FAM184A: variants seen among roughly 807,000 people sequenced by gnomAD.
FAM184A encodes family with sequence similarity 184 member A, also known as protein FAM184A.
Under a neutral mutation model 143.8 loss-of-function variants are expected in FAM184A, and 99 were observed. The ratio of observed to expected loss-of-function variants is 0.69; its 90% CI spans 0.58 to 0.81. The LOEUF is 0.81. FAM184A is among the 40% of genes least tolerant of loss of function. FAM184A has a pLI of 0.00. For missense variants in FAM184A, 1,217 were observed against 1,310.5 expected (o/e 0.93, Z 1.10); for synonymous variants, 427 against 446.4 (o/e 0.96, Z 0.55).
At chr6:119,025,745 G>A (rs1272432203) in intron 1 of FAM184A, 8 of 400,774 alleles carry the variant, frequency 2.0e-5, no homozygotes, top group South Asian at 1.3e-4. Context: ...TCCCCCGGAA[G>A]CGAAAAGAAG....
At chr6:119,125,614 C>T (rs767925654) in intron 1 of FAM184A, among the ~76,000 whole-genome samples, 6 of 152,186 alleles carry the variant, frequency 3.9e-5, no homozygotes, top group Non-Finnish European at 7.3e-5. Flanking sequence ...GACGGACACA[C>T]CAATTTGCAT....
At chr6:119,012,431 A>G (rs954558187) in intron 5 of FAM184A, among the ~76,000 whole-genome samples, 2 of 152,226 alleles carry the variant, frequency 1.3e-5, no homozygotes, top group African/African-American at 2.4e-5. Flanking sequence ...GAAACCAGAC[A>G]CAGGTACAAA....
At chr6:119,018,492 T>C (rs1785338903) in intron 4 of FAM184A, among the ~76,000 whole-genome samples, 1 of 152,116 alleles carries the variant, frequency 6.6e-6, no homozygotes, top group African/African-American at 2.4e-5. Flanking sequence ...CTGGATAGAA[T>C]ACAGGATACA....
intron 1 of FAM184A, among the ~76,000 whole-genome samples, chr6:119,057,647 G>C (rs571512101): frequency 2.0e-5 from 3 of 152,280 alleles, no homozygotes; most frequent in Non-Finnish European, 1.5e-5. Context: ...GGGAGCTGAA[G>C]CAGGAGGATC....
intron 1 of FAM184A, among the ~76,000 whole-genome samples, chr6:119,141,587 C>T (rs1468021340): frequency 1.3e-5 from 2 of 152,132 alleles, no homozygotes; most frequent in Admixed American, 6.5e-5. Context: ...AGCGATTCTC[C>T]TGCCTCAGCC....
intron 1 of FAM184A, among the ~76,000 whole-genome samples, chr6:119,085,997 T>C (rs1788212476): frequency 6.6e-6 from 1 of 152,192 alleles, no homozygotes; most frequent in African/African-American, 2.4e-5. Flanking sequence ...TTTGCCCTCA[T>C]GATCCAATCA....
At chr6:118,991,751 CTTTTTTTTTTTTTTTTT>C (rs61476918) in intron 9 of FAM184A, among the ~76,000 whole-genome samples, 2 of 42,350 alleles carry the variant, frequency 4.7e-5, no homozygotes, top group Non-Finnish European at 8.0e-5. Context: ...CCTGAGAGGA[CTTTTTTTTTTTTTTTTT>C]TTTTTTTTTT....
chr6:118,969,517 A>G (rs1783604621), intron 14 of FAM184A, among the ~76,000 whole-genome samples: 2 of 152,204 alleles, frequency 1.3e-5, no homozygotes, highest in Non-Finnish European at 2.9e-5. Context: ...TACAGAAAGA[A>G]AACTTGATAC....
At chr6:119,023,567 A>C (rs1262344449) in intron 2 of FAM184A, among the ~76,000 whole-genome samples, 11 of 81,742 alleles carry the variant, frequency 1.3e-4, no homozygotes, top group East Asian at 4.2e-4. Flanking sequence ...CCCCCCCCCC[A>C]GGAACAGCGT....
intron 17 of FAM184A, chr6:118,960,899 A>G: frequency 1.7e-6 from 2 of 1,160,558 alleles, no homozygotes; most frequent in Non-Finnish European, 2.3e-6. Context: ...AATAAGCAAC[A>G]CAAAATATTT....
chr6:119,143,887 A>G (rs1169902441), intron 1 of FAM184A, among the ~76,000 whole-genome samples: 1 of 152,188 alleles, frequency 6.6e-6, no homozygotes, highest in Non-Finnish European at 1.5e-5. Context: ...CTGTATACTT[A>G]AACTTGATTA....
At chr6:119,133,418 G>A (rs1327691722) in intron 1 of FAM184A, among the ~76,000 whole-genome samples, 1 of 152,140 alleles carries the variant, frequency 6.6e-6, no homozygotes, top group Non-Finnish European at 1.5e-5. Flanking sequence ...CTTGTTGTTA[G>A]CACCTATGGA....
chr6:119,057,665 C>A (rs1219692939), intron 1 of FAM184A, among the ~76,000 whole-genome samples: 1 of 152,054 alleles, frequency 6.6e-6, no homozygotes, highest in East Asian at 1.9e-4. Flanking sequence ...ATCACTTAGA[C>A]CCAGGAAGTG....
intron 1 of FAM184A, among the ~76,000 whole-genome samples, chr6:119,092,270 T>C (rs369773909): frequency 5.9e-5 from 9 of 152,278 alleles, no homozygotes; most frequent in African/African-American, 2.2e-4. Flanking sequence ...TCCAAGTTGC[T>C]GGGACTACAG....
chr6:118,991,149 T>A (rs1784365221), intron 9 of FAM184A, among the ~76,000 whole-genome samples: 1 of 151,866 alleles, frequency 6.6e-6, no homozygotes, highest in South Asian at 2.1e-4. Flanking sequence ...AAAGATATTT[T>A]ATTTTATTTT....
At chr6:118,973,086 T>A (rs1783743365) in intron 14 of FAM184A, among the ~76,000 whole-genome samples, 1 of 152,182 alleles carries the variant, frequency 6.6e-6, no homozygotes, top group African/African-American at 2.4e-5. Context: ...GAAAGAATCA[T>A]AAAATTCATT....
intron 1 of FAM184A, among the ~76,000 whole-genome samples, chr6:119,027,080 T>G (rs1785661360): frequency 6.6e-6 from 1 of 152,196 alleles, no homozygotes; most frequent in Admixed American, 6.5e-5. Flanking sequence ...TATGCTGAAT[T>G]CAACTCTTTA....
chr6:119,115,877 G>A (rs1789045394), intron 1 of FAM184A, among the ~76,000 whole-genome samples: 4 of 151,964 alleles, frequency 2.6e-5, no homozygotes, highest in Admixed American at 2.6e-4. Flanking sequence ...GCTGAGGCAG[G>A]AGAATCACTT....
At chr6:119,108,128 A>AGTGTGTGTGTGTGTGTGTGTGT (rs57693047) in intron 1 of FAM184A, among the ~76,000 whole-genome samples, 5,357 of 147,258 alleles carry the variant, frequency 0.036, 168 homozygotes, top group African/African-American at 0.066. Flanking sequence ...AGCACTTGTT[A>AGTGTGTGTGTGTGTGTGTGTGT]GTGTGTGTGT....
Sources: allele counts gnomAD v4.1 joint callset (sites outside exome capture counted in the v4.1 genomes callset), GRCh38; gene constraint gnomAD v4.1.1; transcripts MANE v1.5; gene names NCBI Gene and HGNC (gene_info 2026-07-23, HGNC 2026-07-21).